LATS2: variants seen among roughly 807,000 people sequenced by gnomAD.
LATS2 encodes the protein large tumor suppressor kinase 2.
LATS2 carries 24 observed loss-of-function variants against 76.0 expected under a neutral mutation model. The ratio of observed to expected loss-of-function variants is 0.32; its 90% CI spans 0.23 to 0.44. The LOEUF is 0.44. LATS2 is among the 20% of genes least tolerant of loss of function. The probability of loss-of-function intolerance (pLI) is 1.00; values close to 1 mark genes in which losing one functional copy is unlikely to be tolerated. For missense variants in LATS2, 1,286 were observed against 1,481.2 expected (o/e 0.87, Z 2.16); for synonymous variants, 692 against 635.4 (o/e 1.09, Z -1.34).
intron 7 of LATS2, among the ~76,000 whole-genome samples, chr13:20,978,376 T>G (rs558991048): frequency 2.7e-3 from 408 of 152,272 alleles, no homozygotes; most frequent in Non-Finnish European, 4.5e-3. Flanking sequence ...ATTTCAATTC[T>G]CAGTTCAACC....
intron 1 of LATS2, among the ~76,000 whole-genome samples, chr13:21,058,028 C>A (rs543988842): frequency 6.6e-6 from 1 of 152,282 alleles, no homozygotes; most frequent in African/African-American, 2.4e-5. Context: ...AGGCCGATTC[C>A]TTCTAGAGGA....
At position 20,987,917 on chromosome 13, in the gene LATS2, A is replaced by G; in HGVS notation, c.1863T>C (p.Val621=). Residue 621 remains valine, a synonymous_variant, in exon 4 of 8, where the codon GTT becomes GTC. Coordinates refer to ENST00000382592, the MANE Select transcript of LATS2 (RefSeq NM_014572.3). ...ENVIKTYQQK[V]NRRLQLEQEM... The stretch of plus-strand genomic sequence containing the variant: ...CTTGCTCCAGCTGCAGCCTCCGGTT[A>G]ACCTTCTGCTGGTAGGTTTTGATGA... 6.2e-7 allele frequency: 1 copy of G among 1,614,010 alleles called. No individual in the cohort carries two copies. Among genetic ancestry groups the G allele is most frequent in the South Asian group, 1.1e-5 (1 of 91,050 alleles).
At chr13:20,980,417 C>G (rs2138268680) in intron 6 of LATS2, among the ~76,000 whole-genome samples, 1 of 152,292 alleles carries the variant, frequency 6.6e-6, no homozygotes, top group South Asian at 2.1e-4. Flanking sequence ...TTCAGAGCCT[C>G]ATGACCCATC....
intron 2 of LATS2, among the ~76,000 whole-genome samples, chr13:21,001,390 C>T (rs1037279181): frequency 6.6e-6 from 1 of 152,184 alleles, no homozygotes; most frequent in Admixed American, 6.5e-5. Context: ...GGGCTGCAGC[C>T]CCCAGTGTGA....
chr13:20,990,809 G>A lies in LATS2; in HGVS notation c.475+463C>T, dbSNP rs923668616. Among the ~76,000 whole-genome samples, 8 of 152,142 alleles carry A rather than the reference G, an allele frequency of 5.3e-5. No individual in the cohort carries two copies. The South Asian group carries it at 6.2e-4, about 12-fold the overall frequency. ...CAGGGGATGCTGAGGGGGGCCCAGC[G>A]CTCTGCCCACACTGCCTGCCATTGA... On this transcript the variant is annotated intron_variant, in intron 3 of 7. Transcript: ENST00000382592.
rs759825868 is a variant in LATS2 at position 20,983,824 on chromosome 13, G to A, written c.1900-18C>T. ...AGTCCAGCCTGTGTAGAAGGAAAAG[G>A]AAGGAGGAAGAATCACATTAGAGAA... On this transcript the variant is annotated intron_variant, in intron 4 of 7. Coordinates refer to ENST00000382592, the MANE Select transcript of LATS2 (RefSeq NM_014572.3). The A allele has an allele frequency of 1.3e-6, 2 of 1,580,820 alleles. No individual in the cohort carries two copies. Among genetic ancestry groups the A allele is most frequent in the East Asian group, 2.2e-5 (1 of 44,736 alleles).
At chr13:21,055,721 C>G (rs996525994) in intron 1 of LATS2, among the ~76,000 whole-genome samples, 4 of 152,340 alleles carry the variant, frequency 2.6e-5, no homozygotes, top group African/African-American at 9.6e-5. Flanking sequence ...CTCATGGGAC[C>G]TGCGCTAATG....
At chr13:21,013,199 C>T (rs1461228794) in intron 2 of LATS2, among the ~76,000 whole-genome samples, 1 of 152,122 alleles carries the variant, frequency 6.6e-6, no homozygotes, top group East Asian at 1.9e-4. Context: ...GTGAGTTAGG[C>T]CCATCCGCTA....
rs1404994889 is a variant in LATS2 at position 21,007,540 on chromosome 13, ATATAG to A, written c.343-16141_343-16137del. ...TTAGTCGTAGGGGATGGATATATAT[ATATAG>A]TATATATATATATATATATATATAT... is the stretch of plus-strand genomic sequence containing the variant. On this transcript the variant is annotated intron_variant, in intron 2 of 7. Transcript: ENST00000382592. 3.4e-4 allele frequency among the ~76,000 whole-genome samples: 6 copies of A among 17,426 alleles called. 1 individual carries two copies. The highest frequency in any genetic ancestry group is 4.4e-4 in the Non-Finnish European group (5 of 11,452). 11.4% of individuals were successfully genotyped at this position (17,426 alleles called of 152,430 possible).
In LATS2 at chr13:20,974,379, T is replaced by C. The variant is rs548063380; in HGVS notation, c.*491A>G. 4.4e-4 allele frequency: 99 copies of C among 227,402 alleles called. 1 individual carries two copies. Among genetic ancestry groups the C allele is most frequent in the South Asian group, 1.5e-3 (8 of 5,482 alleles). 14.1% of individuals were successfully genotyped at this position (227,402 alleles called of 1,614,324 possible). ...GGGAAAAAATAAAAAACAAAAACCATTGTGTGGATAAAATGGTCTCCGTGA... is the reference window on the plus strand; with the variant it reads ...GGGAAAAAATAAAAAACAAAAACCACTGTGTGGATAAAATGGTCTCCGTGA... On this transcript the variant is annotated 3_prime_UTR_variant, in exon 8 of 8. Transcript: ENST00000382592.
chr13:21,047,717 A>G (rs74361236), intron 1 of LATS2, among the ~76,000 whole-genome samples: 2 of 151,798 alleles, frequency 1.3e-5, no homozygotes, highest in Non-Finnish European at 2.9e-5. Context: ...AAAAAAAAAA[A>G]GGATAGCTAA....
In LATS2 at chr13:21,017,334, C is replaced by CT. The variant is rs376445846; in HGVS notation, c.343-25931dup. Among the ~76,000 whole-genome samples, 262 of 151,928 alleles carry CT rather than the reference C, an allele frequency of 1.7e-3. 1 individual carries two copies. Among genetic ancestry groups the CT allele is most frequent in the African/African-American group, 5.0e-3 (209 of 41,414 alleles). ...ACATAGAGGTGATGCAATCCTTTTT[C>CT]TTTTTTTTGTTTTTAATTTTTGTAG... On this transcript the variant is annotated intron_variant, in intron 2 of 7. Coordinates refer to ENST00000382592, the MANE Select transcript of LATS2 (RefSeq NM_014572.3).
At chr13:21,038,904 C>T (rs113803493) in intron 2 of LATS2, among the ~76,000 whole-genome samples, 3,436 of 152,176 alleles carry the variant, frequency 0.023, 159 homozygotes, top group African/African-American at 0.079. Context: ...TGCTTGAACC[C>T]GCGAGGCGGA....
At chr13:21,052,712 T>C (rs997669109) in intron 1 of LATS2, among the ~76,000 whole-genome samples, 1 of 152,208 alleles carries the variant, frequency 6.6e-6, no homozygotes, top group Non-Finnish European at 1.5e-5. Context: ...AGTAGCTTTC[T>C]TTTAACTGTA....
chr13:21,035,054 G>A (rs1476459183), intron 2 of LATS2, among the ~76,000 whole-genome samples: 1 of 152,038 alleles, frequency 6.6e-6, no homozygotes, highest in East Asian at 1.9e-4. Context: ...AACATAGCAA[G>A]ACTCCATCTC....
intron 2 of LATS2, among the ~76,000 whole-genome samples, chr13:21,017,183 C>T (rs1871834857): frequency 6.6e-6 from 1 of 152,144 alleles, no homozygotes; most frequent in Non-Finnish European, 1.5e-5. Context: ...ATAAAACGGA[C>T]GATAGCCATT....
At chr13:21,036,492 C>T (rs1253508122) in intron 2 of LATS2, among the ~76,000 whole-genome samples, 3 of 152,034 alleles carry the variant, frequency 2.0e-5, no homozygotes, top group Non-Finnish European at 4.4e-5. Context: ...AACACAAAGC[C>T]CAGCCCTTGC....
rs558365937 is a variant in LATS2, at chr13:20,980,226, G to A, written c.2666-429C>T. On this transcript the variant is annotated intron_variant, in intron 6 of 7. Coordinates refer to ENST00000382592, the MANE Select transcript of LATS2 (RefSeq NM_014572.3). ...AGTTTTGGATGAAGCTGAAGAATAC[G>A]GAGATGAGGAGGAGGTGGGCAAAAC... is the stretch of plus-strand genomic sequence containing the variant. Among the ~76,000 whole-genome samples the A allele has an allele frequency of 5.3e-5, 8 of 152,250 alleles. No individual in the cohort carries two copies. In the South Asian group the frequency reaches 6.2e-4, roughly 12 times the overall value.
chr13:20,990,956 G>A (rs1413774296), intron 3 of LATS2, among the ~76,000 whole-genome samples: 8 of 152,216 alleles, frequency 5.3e-5, no homozygotes, highest in Non-Finnish European at 2.9e-5. Flanking sequence ...TTTTACGCCC[G>A]CTTTGCTGAC....
Sources: gnomAD v4.1 joint callset for allele counts (sites outside exome capture counted in the v4.1 genomes callset) on GRCh38, gnomAD v4.1.1 for gene constraint, MANE v1.5 for transcripts, NCBI Gene and HGNC (gene_info 2026-07-23, HGNC 2026-07-21) for gene names.